The following CAB39L variants were observed in gnomAD, a reference collection of about 807,000 sequenced individuals.
CAB39L encodes the protein calcium-binding protein 39-like.
In CAB39L, 23 loss-of-function variants were observed where a neutral mutation model predicts 39.1. That is an observed-to-expected ratio of 0.59 (90% confidence interval 0.42 to 0.83). The LOEUF is 0.83. Among genes scored for constraint, CAB39L ranks in the 40% least tolerant of loss-of-function variants. The pLI is 0.00. For synonymous variants in CAB39L, 126 were observed against 137.2 expected, an observed-to-expected ratio of 0.92 and a Z score of 0.57; for missense variants, 366 against 391.9, an observed-to-expected ratio of 0.93 and a Z score of 0.56.
At chr13:49,404,256 A>T (rs1956829622) in intron 3 of CAB39L, among the ~76,000 whole-genome samples, 1 of 152,168 alleles carries the variant, frequency 6.6e-6, no homozygotes, top group Admixed American at 6.5e-5. Flanking sequence ...ATTCTCCTGG[A>T]TCTTACCCAA....
chr13:49,396,436 C>T (rs141387435), intron 3 of CAB39L, among the ~76,000 whole-genome samples: 171 of 152,122 alleles, frequency 1.1e-3, no homozygotes, highest in African/African-American at 3.6e-3. Context: ...GGGCCAGGCG[C>T]GGTGGCTCAC....
intron 3 of CAB39L, among the ~76,000 whole-genome samples, chr13:49,412,706 G>C (rs1957012923): frequency 6.6e-6 from 1 of 152,172 alleles, no homozygotes; most frequent in Non-Finnish European, 1.5e-5. Context: ...CACGGACCTG[G>C]AGGTTGGGAT....
chr13:49,388,605 A>T (rs1377143876), intron 3 of CAB39L, among the ~76,000 whole-genome samples: 1 of 152,196 alleles, frequency 6.6e-6, no homozygotes, highest in Admixed American at 6.5e-5. Flanking sequence ...GAACAAAAAG[A>T]TGAGATGGAA....
In CAB39L at chr13:49,434,167, A is replaced by G. The variant is rs1196439134; in HGVS notation, c.-189T>C. On this transcript the variant is annotated 5_prime_UTR_variant, in exon 2 of 11. Transcript: ENST00000409308. ...GGGTTCGCATCTTTACGTTCTGAAC[A>G]GCAACTTAGAACACTTTGCTCCTGA... 2 of 456,734 alleles carry G rather than the reference A, an allele frequency of 4.4e-6. No individual in the cohort carries two copies. Among genetic ancestry groups the G allele is most frequent in the South Asian group, 3.1e-5 (2 of 64,522 alleles). 28.3% of individuals were successfully genotyped at this position (456,734 alleles called of 1,614,324 possible). A position where few individuals can be genotyped will look rare whatever the true frequency, so the allele number is the denominator to read the frequency against.
chr13:49,429,892 A>C (rs1053886181), intron 3 of CAB39L, among the ~76,000 whole-genome samples: 4 of 152,190 alleles, frequency 2.6e-5, no homozygotes, highest in African/African-American at 9.7e-5. Flanking sequence ...TTTTTCTTAT[A>C]AAATTTAATA....
At chr13:49,321,600 G>A (rs1350911340) in intron 10 of CAB39L, among the ~76,000 whole-genome samples, 2 of 152,194 alleles carry the variant, frequency 1.3e-5, no homozygotes, top group African/African-American at 4.8e-5. Flanking sequence ...CTACACGACA[G>A]TATGGCTGCC....
At chr13:49,400,515 G>A (rs1382482470) in intron 3 of CAB39L, among the ~76,000 whole-genome samples, 4 of 151,516 alleles carry the variant, frequency 2.6e-5, no homozygotes, top group East Asian at 1.9e-4. Flanking sequence ...AAGATTATAC[G>A]AGAGGAAAGC....
chr13:49,358,788 A>G (rs1256569965), intron 6 of CAB39L, among the ~76,000 whole-genome samples: 1 of 152,138 alleles, frequency 6.6e-6, no homozygotes, highest in African/African-American at 2.4e-5. Context: ...TGAACCCAGG[A>G]GGCAGAGGTT....
chr13:49,339,770 T>G (rs1309647538), intron 8 of CAB39L, 28 bp from the exon 9 acceptor site: 1 of 1,523,780 alleles, frequency 6.6e-7, no homozygotes, highest in Non-Finnish European at 8.8e-7. Context: ...CACATTAGAG[T>G]GTAAAAGCAG....
intron 10 of CAB39L, among the ~76,000 whole-genome samples, chr13:49,328,730 G>T (rs1018593436): frequency 1.3e-5 from 2 of 152,126 alleles, no homozygotes; most frequent in African/African-American, 4.8e-5. Context: ...AGCTACTCAG[G>T]AGGCTGAGGC....
chr13:49,339,685 A>T lies in CAB39L; in HGVS notation c.682T>A (p.Ser228Thr). The T allele has an allele frequency of 6.4e-7, 1 of 1,572,150 alleles. No individual in the cohort carries two copies. Among genetic ancestry groups the T allele is most frequent in the Non-Finnish European group, 8.6e-7 (1 of 1,163,022 alleles). Reference sequence around the variant, plus strand: ...AAGAAATTTGATATTACCTTTAAAGACTGTCTCTTAGTAACATAATTCTCA... The same window carrying T: ...AAGAAATTTGATATTACCTTTAAAGTCTGTCTCTTAGTAACATAATTCTCA... ...QSENYVTKRQ[S>T]LKLLGELILD... The change falls in exon 9 of 11, where the codon TCT becomes ACT. Residue 228 changes from serine to threonine, a missense_variant. Transcript: ENST00000409308.
chr13:49,437,899 T>C (rs1170412074), intron 1 of CAB39L, among the ~76,000 whole-genome samples: 1 of 152,168 alleles, frequency 6.6e-6, no homozygotes, highest in Non-Finnish European at 1.5e-5. Flanking sequence ...CAGCTCACTG[T>C]AGCCTTGACC....
rs79275186 is a variant in CAB39L at position 49,399,271 on chromosome 13, A to C, written c.-31-16330T>G. The stretch of plus-strand genomic sequence containing the variant: ...GAAATATTCTTGTAGCAAGAAAAAG[A>C]GAAATCACTGATTTCAATGTCAGAT... On this transcript the variant is annotated intron_variant, in intron 3 of 10. Transcript: ENST00000409308. 3.0e-3 allele frequency among the ~76,000 whole-genome samples: 461 copies of C among 152,230 alleles called. 7 individuals are homozygous for C. In the East Asian group the frequency reaches 0.031, roughly 10 times the overall value.
intron 7 of CAB39L, among the ~76,000 whole-genome samples, chr13:49,344,723 C>A (rs182389687): frequency 7.9e-5 from 12 of 152,096 alleles, no homozygotes; most frequent in Admixed American, 3.3e-4. Context: ...CGGGTTTCAC[C>A]GTGTTAGCCA....
intron 10 of CAB39L, among the ~76,000 whole-genome samples, chr13:49,322,776 C>G (rs1253399143): frequency 1.3e-5 from 2 of 152,294 alleles, no homozygotes; most frequent in East Asian, 3.9e-4. Context: ...TCTTGGCAAA[C>G]AAGAATTGAT....
intron 3 of CAB39L, among the ~76,000 whole-genome samples, chr13:49,388,296 T>C (rs1422491263): frequency 6.6e-6 from 1 of 152,068 alleles, no homozygotes; most frequent in Non-Finnish European, 1.5e-5. Flanking sequence ...AGAAAAACAA[T>C]CTAAACTTGA....
chr13:49,403,702 G>A (rs937076008), intron 3 of CAB39L, among the ~76,000 whole-genome samples: 4 of 151,978 alleles, frequency 2.6e-5, no homozygotes, highest in African/African-American at 9.7e-5. Flanking sequence ...CATTTATTCT[G>A]TTTCATGGAA....
chr13:49,401,316 T>A (rs1270283653), intron 3 of CAB39L: 3 of 152,188 alleles, frequency 2.0e-5, no homozygotes, highest in Non-Finnish European at 4.4e-5. Flanking sequence ...AATTAGGTCT[T>A]GACTTTCTGT....
At position 49,377,003 on chromosome 13, in the gene CAB39L, C is replaced by A; in HGVS notation, c.240G>T (p.Val80=). ...AQELYSSGLL[V]TLIADLQLID... ...TCAGCTGCAGGTCAGCTATCAGTGT[C>A]ACTAGCAGGCCACTGCTGTAGAGTT... The change falls in exon 5 of 11, where the codon GTG becomes GTT. Residue 80 remains valine (V), a synonymous_variant. Transcript: ENST00000409308. The A allele has an allele frequency of 6.2e-7, 1 of 1,613,018 alleles. No individual in the cohort carries two copies. Among genetic ancestry groups the A allele is most frequent in the South Asian group, 1.1e-5 (1 of 90,892 alleles).
Sources: allele counts gnomAD v4.1 joint callset (sites outside exome capture counted in the v4.1 genomes callset), GRCh38; gene constraint gnomAD v4.1.1; transcripts MANE v1.5; gene names NCBI Gene and HGNC (gene_info 2026-07-23, HGNC 2026-07-21).